MAPKAP1: variants seen among roughly 807,000 people sequenced by gnomAD.
MAPKAP1 encodes the protein MAPK associated protein 1, also known as target of rapamycin complex 2 subunit MAPKAP1.
In MAPKAP1, 20 loss-of-function variants were observed where a neutral mutation model predicts 65.7. The observed-to-expected ratio is 0.30, with a 90% CI of 0.21 to 0.44. MAPKAP1 has a LOEUF of 0.44. Among genes scored for constraint, MAPKAP1 ranks in the 20% least tolerant of loss-of-function variants. The pLI, the probability that MAPKAP1 is intolerant of heterozygous loss-of-function variation, is 1.00. For missense variants in MAPKAP1, 423 were observed against 648.0 expected (o/e 0.65, Z 3.77); for synonymous variants, 222 against 244.3 (o/e 0.91, Z 0.85).
At chr9:125,673,290 G>A (rs1453452056) in intron 1 of MAPKAP1, among the ~76,000 whole-genome samples, 3 of 152,122 alleles carry the variant, frequency 2.0e-5, no homozygotes, top group Admixed American at 6.5e-5. Context: ...GTGCAGTGGC[G>A]TGATCTTGGC....
chr9:125,578,322 A>G (rs964238140), intron 5 of MAPKAP1, among the ~76,000 whole-genome samples: 10 of 151,932 alleles, frequency 6.6e-5, no homozygotes, highest in Admixed American at 2.0e-4. Flanking sequence ...CTGCCTAGGA[A>G]AACCAGAGAC....
At chr9:125,675,874 C>T (rs1457457029) in intron 1 of MAPKAP1, among the ~76,000 whole-genome samples, 1 of 152,096 alleles carries the variant, frequency 6.6e-6, no homozygotes, top group African/African-American at 2.4e-5. Context: ...TTTCGTAATA[C>T]AAGAGCATCT....
intron 7 of MAPKAP1, 85 bp from the exon 8 acceptor site, chr9:125,506,502 G>A: frequency 9.2e-7 from 1 of 1,090,676 alleles, no homozygotes; most frequent in South Asian, 1.3e-5. Flanking sequence ...CTGGTGAAAA[G>A]CTGATAAAGC....
At chr9:125,596,780 T>C (rs558924287) in intron 4 of MAPKAP1, among the ~76,000 whole-genome samples, 2 of 152,256 alleles carry the variant, frequency 1.3e-5, no homozygotes, top group East Asian at 1.9e-4. Context: ...AATACTCATG[T>C]GTATGGGCAA....
At chr9:125,582,799 A>C (rs1428202402) in intron 5 of MAPKAP1, among the ~76,000 whole-genome samples, 2 of 152,198 alleles carry the variant, frequency 1.3e-5, no homozygotes, top group Non-Finnish European at 2.9e-5. Flanking sequence ...CCATACCCTC[A>C]TGTAGTATTT....
chr9:125,667,341 A>T (rs1321399782), intron 3 of MAPKAP1, among the ~76,000 whole-genome samples: 2 of 152,166 alleles, frequency 1.3e-5, no homozygotes, highest in Non-Finnish European at 2.9e-5. Flanking sequence ...TGGGTTTGAG[A>T]CACAGTCTCG....
At chr9:125,446,317 A>G (rs1852711996) in intron 10 of MAPKAP1, among the ~76,000 whole-genome samples, 1 of 152,200 alleles carries the variant, frequency 6.6e-6, no homozygotes, top group Admixed American at 6.5e-5. Flanking sequence ...TAATTTCTGA[A>G]AAACCTCACT....
rs200945472 is a variant in MAPKAP1, at chr9:125,520,361, G to A, written c.959-13944C>T. On this transcript the variant is annotated intron_variant, in intron 7 of 11. Coordinates refer to ENST00000265960, the MANE Select transcript of MAPKAP1 (RefSeq NM_001006617.3). ...GAAGGGTCTCTAGTTCTCTAGGAGA[G>A]GCTGAAACCTCCAGGTCAGCCTTAC... is the stretch of plus-strand genomic sequence containing the variant. Among the ~76,000 whole-genome samples, 8 of 152,290 alleles carry A rather than the reference G, an allele frequency of 5.3e-5. No homozygotes were observed. In the East Asian group the frequency reaches 1.3e-3, roughly 26 times the overall value.
At chr9:125,508,603 C>A (rs982097276) in intron 7 of MAPKAP1, among the ~76,000 whole-genome samples, 1 of 152,140 alleles carries the variant, frequency 6.6e-6, no homozygotes, top group African/African-American at 2.4e-5. Context: ...GTTATCCCAG[C>A]GCTTTGGGGG....
At chr9:125,594,597 G>A (rs1434722263) in intron 4 of MAPKAP1, among the ~76,000 whole-genome samples, 1 of 152,112 alleles carries the variant, frequency 6.6e-6, no homozygotes, top group Non-Finnish European at 1.5e-5. Context: ...CCTCTTCCAA[G>A]AAGGTAGAAG....
intron 4 of MAPKAP1, among the ~76,000 whole-genome samples, chr9:125,635,206 C>T (rs1462248636): frequency 2.0e-5 from 3 of 152,202 alleles, no homozygotes; most frequent in Non-Finnish European, 4.4e-5. Flanking sequence ...CTCTGATTTA[C>T]CAGATGCTCT....
At chr9:125,680,086 ATTT>A (rs376323041) in intron 1 of MAPKAP1, among the ~76,000 whole-genome samples, 14 of 141,860 alleles carry the variant, frequency 9.9e-5, no homozygotes, top group African/African-American at 1.5e-4. Context: ...CAGATGCGAG[ATTT>A]TTTTTTTTTT....
intron 7 of MAPKAP1, among the ~76,000 whole-genome samples, chr9:125,531,462 C>T (rs894922591): frequency 8.5e-5 from 13 of 152,166 alleles, no homozygotes; most frequent in African/African-American, 1.7e-4. Flanking sequence ...GATTATTATA[C>T]CTGTAACTGT....
intron 4 of MAPKAP1, among the ~76,000 whole-genome samples, chr9:125,601,625 C>T (rs1832302447): frequency 1.3e-5 from 2 of 152,140 alleles, no homozygotes; most frequent in South Asian, 2.1e-4. Flanking sequence ...GGCATAAATG[C>T]GCTTACTACT....
intron 4 of MAPKAP1, among the ~76,000 whole-genome samples, chr9:125,638,182 T>G (rs1470168176): frequency 6.6e-6 from 1 of 152,150 alleles, no homozygotes; most frequent in African/African-American, 2.4e-5. Context: ...TTTTGCTACC[T>G]TGGAAGGGCA....
intron 4 of MAPKAP1, among the ~76,000 whole-genome samples, chr9:125,627,196 G>C (rs1337252102): frequency 6.6e-6 from 1 of 152,124 alleles, no homozygotes; most frequent in Non-Finnish European, 1.5e-5. Context: ...CTACTGCAAT[G>C]TTTCATGACT....
chr9:125,619,536 T>C (rs984401481), intron 4 of MAPKAP1, among the ~76,000 whole-genome samples: 39 of 151,776 alleles, frequency 2.6e-4, no homozygotes, highest in African/African-American at 9.2e-4. Flanking sequence ...TATTCTTATA[T>C]GTGTGAAAAT....
rs575581527 is a variant in MAPKAP1 at position 125,606,757 on chromosome 9, A to T, written c.499-21030T>A. Among the ~76,000 whole-genome samples, 4 of 152,342 alleles carry T rather than the reference A, an allele frequency of 2.6e-5. No homozygotes were observed. The East Asian group carries it at 7.7e-4, about 29-fold the overall frequency. ...CGAAAAGGAGAGACAAAAGCACAAAAGGTTCATCAACACAGGACAGCCACA... is the reference window on the plus strand; with the variant it reads ...CGAAAAGGAGAGACAAAAGCACAAATGGTTCATCAACACAGGACAGCCACA... On this transcript the variant is annotated intron_variant, in intron 4 of 11. Coordinates refer to ENST00000265960, the MANE Select transcript of MAPKAP1 (RefSeq NM_001006617.3).
At chr9:125,698,312 TATATATATATATA>T (rs1835482366) in intron 1 of MAPKAP1, among the ~76,000 whole-genome samples, 1 of 46,480 alleles carries the variant, frequency 2.2e-5, no homozygotes, top group Non-Finnish European at 4.8e-5. Flanking sequence ...TATATATATA[TATATATATATATA>T]TATATATATA....
Sources: allele counts gnomAD v4.1 joint callset (sites outside exome capture counted in the v4.1 genomes callset), GRCh38; gene constraint gnomAD v4.1.1; transcripts MANE v1.5; gene names NCBI Gene and HGNC (gene_info 2026-07-23, HGNC 2026-07-21).